Variants in GRIK1 observed in about 807,000 individuals in gnomAD.
GRIK1 encodes glutamate ionotropic receptor kainate type subunit 1, also known as glutamate receptor ionotropic, kainate 1.
Under a neutral mutation model 105.7 loss-of-function variants are expected in GRIK1, and 69 were observed. The observed-to-expected ratio is 0.65, with a 90% CI of 0.54 to 0.80. GRIK1 has a LOEUF of 0.80. Among genes scored for constraint, GRIK1 ranks in the 30% least tolerant of loss-of-function variants. The pLI is 0.00. For synonymous variants in GRIK1, 438 were observed against 431.3 expected (o/e 1.02, Z -0.19); for missense variants, 1,109 against 1,167.3 (o/e 0.95, Z 0.73).
At chr21:29,743,975 G>A (rs970490431) in intron 1 of GRIK1, among the ~76,000 whole-genome samples, 2 of 152,028 alleles carry the variant, frequency 1.3e-5, no homozygotes, top group African/African-American at 4.8e-5. Flanking sequence ...ATAACTAATG[G>A]GTACTAGGCT....
At chr21:29,866,348 G>A (rs1256084640) in intron 1 of GRIK1, among the ~76,000 whole-genome samples, 1 of 152,114 alleles carries the variant, frequency 6.6e-6, no homozygotes, top group Admixed American at 6.6e-5. Flanking sequence ...TTACAGGTAT[G>A]AGCCACTAAG....
chr21:29,643,850 C>A (rs2062563173), intron 6 of GRIK1, among the ~76,000 whole-genome samples: 1 of 151,896 alleles, frequency 6.6e-6, no homozygotes, highest in Admixed American at 6.6e-5. Context: ...AGAGATAAAG[C>A]TATTTATTAT....
chr21:29,815,096 A>G (rs1168146658), intron 1 of GRIK1, among the ~76,000 whole-genome samples: 3 of 152,186 alleles, frequency 2.0e-5, no homozygotes, highest in African/African-American at 7.2e-5. Context: ...CTTCTGGCTT[A>G]TCTACTCTTA....
Position 29,537,833 on chromosome 21 carries a change from G to A in GRIK1, c.2659C>T (p.His887Tyr), listed in dbSNP as rs774599169. Residue 887 changes from histidine to tyrosine, a missense_variant, in exon 17 of 18, where the codon CAT (histidine) becomes TAT (tyrosine). This residue lies in a region of GRIK1 where 161 missense variants were observed against 143.4 expected (regional missense o/e 1.12). Transcript: ENST00000327783. Reference sequence around the variant, plus strand: ...CCAAGGCTTTGTTTTTTTCTCCCATGAAACCTTACTTTGTTCCTAAAATAA... The same window carrying A: ...CCAAGGCTTTGTTTTTTTCTCCCATAAAACCTTACTTTGTTCCTAAAATAA... ...RFYFRNKVRF[H>Y]GRKKQSLGVE... 1.3e-6 allele frequency: 2 copies of A among 1,530,932 alleles called. No homozygotes were observed. Among genetic ancestry groups the A allele is most frequent in the Non-Finnish European group, 1.8e-6 (2 of 1,107,006 alleles). The allele number at this position is 1,530,932 out of a possible 1,614,324, so 94.8% of individuals were successfully genotyped here.
intron 16 of GRIK1, chr21:29,553,751 T>A: frequency 7.9e-7 from 1 of 1,267,732 alleles, no homozygotes; most frequent in Non-Finnish European, 1.1e-6. Flanking sequence ...AATGAATAAA[T>A]CAGAAGCAAG....
intron 1 of GRIK1, among the ~76,000 whole-genome samples, chr21:29,870,445 T>C (rs534668023): frequency 1.3e-5 from 2 of 152,100 alleles, no homozygotes; most frequent in African/African-American, 4.8e-5. Context: ...GTTTAGAAGA[T>C]GAACAATAGA....
intron 6 of GRIK1, 38 bp from the exon 7 acceptor site, chr21:29,643,007 T>C (rs2062545935): frequency 6.2e-7 from 1 of 1,600,168 alleles, no homozygotes; most frequent in Non-Finnish European, 8.5e-7. Context: ...TAAATTCCAC[T>C]TTTGCTTACC....
rs1377081968 is a variant in GRIK1, at chr21:29,588,764, C to G, written c.1569+75G>C. 8 of 845,384 alleles carry G rather than the reference C, an allele frequency of 9.5e-6. No homozygotes were observed. In the South Asian group the frequency reaches 1.3e-4, roughly 14 times the overall value. The allele number at this position is 845,384 out of a possible 1,614,324, so 52.4% of individuals were successfully genotyped here. Reference sequence around the variant, plus strand: ...TACGATTCAAAAAAAGGAAACATTTCTTCTGACATCATTTTTTCCTCTCTT... The same window carrying G: ...TACGATTCAAAAAAAGGAAACATTTGTTCTGACATCATTTTTTCCTCTCTT... On this transcript the variant is annotated intron_variant, in intron 11 of 17. Transcript: ENST00000327783.
chr21:29,580,738 A>C (rs2091008507), intron 13 of GRIK1, among the ~76,000 whole-genome samples: 2 of 152,050 alleles, frequency 1.3e-5, no homozygotes, highest in South Asian at 4.1e-4. Context: ...TCTATACCAT[A>C]TGCCTGACAT....
chr21:29,806,320 C>T (rs1294623982), intron 1 of GRIK1, among the ~76,000 whole-genome samples: 1 of 151,806 alleles, frequency 6.6e-6, no homozygotes, highest in Non-Finnish European at 1.5e-5. Context: ...AATCAGTCAG[C>T]CAATAACAAA....
At chr21:29,761,663 C>T (rs1383326560) in intron 1 of GRIK1, among the ~76,000 whole-genome samples, 1 of 152,018 alleles carries the variant, frequency 6.6e-6, no homozygotes, top group Non-Finnish European at 1.5e-5. Flanking sequence ...TTTACAATTA[C>T]AGTTAGAATT....
chr21:29,680,336 C>T (rs924337271), intron 3 of GRIK1, among the ~76,000 whole-genome samples: 2 of 152,208 alleles, frequency 1.3e-5, no homozygotes, highest in African/African-American at 4.8e-5. Flanking sequence ...GGAACACATT[C>T]AAATATCCTC....
At position 29,737,567 on chromosome 21, in the gene GRIK1, C is replaced by T. The variant is rs577678152; in HGVS notation, c.119-43504G>A. Among the ~76,000 whole-genome samples the T allele has an allele frequency of 9.8e-5, 15 of 152,352 alleles. No individual in the cohort carries two copies. The East Asian group carries it at 2.9e-3, about 29-fold the overall frequency. ...GAGCCTTCTTTTCCCACATCCATAT[C>T]CAAACCTTGGGAATAACTAATGTTT... On this transcript the variant is annotated intron_variant, in intron 1 of 17. Transcript: ENST00000327783.
chr21:29,809,421 T>G (rs1332339443), intron 1 of GRIK1, among the ~76,000 whole-genome samples: 2 of 152,180 alleles, frequency 1.3e-5, no homozygotes, highest in African/African-American at 4.8e-5. Context: ...CTTTATTGCT[T>G]AAAAATGCTA....
At chr21:29,742,792 G>T (rs889429498) in intron 1 of GRIK1, among the ~76,000 whole-genome samples, 9 of 152,108 alleles carry the variant, frequency 5.9e-5, no homozygotes, top group African/African-American at 1.9e-4. Flanking sequence ...TGAATCTGAG[G>T]TTACATTTTT....
intron 1 of GRIK1, among the ~76,000 whole-genome samples, chr21:29,847,374 T>C (rs2068155314): frequency 6.6e-6 from 1 of 152,188 alleles, no homozygotes; most frequent in African/African-American, 2.4e-5. Flanking sequence ...GGCGGGTGGA[T>C]CACTAAGTCA....
intron 13 of GRIK1, among the ~76,000 whole-genome samples, chr21:29,581,071 C>T (rs1404953507): frequency 6.6e-6 from 1 of 152,050 alleles, no homozygotes; most frequent in Non-Finnish European, 1.5e-5. Context: ...GGATTTAGAT[C>T]CCGCTCCTTT....
chr21:29,753,291 A>C (rs2065251532), intron 1 of GRIK1, among the ~76,000 whole-genome samples: 1 of 152,228 alleles, frequency 6.6e-6, no homozygotes, highest in Admixed American at 6.5e-5. Flanking sequence ...CAAACCCTTC[A>C]TCTGCATTGT....
intron 3 of GRIK1, among the ~76,000 whole-genome samples, chr21:29,689,271 T>A (rs184266540): frequency 3.3e-4 from 51 of 152,342 alleles, no homozygotes; most frequent in Non-Finnish European, 6.8e-4. Context: ...CCCTTTCCCA[T>A]GACATAATCC....
Sources: allele counts gnomAD v4.1 joint callset (sites outside exome capture counted in the v4.1 genomes callset), GRCh38; gene constraint gnomAD v4.1.1; regional missense constraint gnomAD v4.1.1; transcripts MANE v1.5; gene names NCBI Gene and HGNC (gene_info 2026-07-23, HGNC 2026-07-21).